Variants in UQCC1 observed in about 807,000 individuals in gnomAD.
UQCC1 encodes ubiquinol-cytochrome c reductase complex assembly factor 1.
A neutral mutation model predicts 48.0 loss-of-function variants in UQCC1; 38 were observed. That is an observed-to-expected ratio of 0.79 (90% confidence interval 0.61 to 1.04). UQCC1 has a LOEUF of 1.04. UQCC1 is among the 50% of genes least tolerant of loss of function. The probability of loss-of-function intolerance (pLI) is 0.00; values close to 1 mark genes in which losing one functional copy is unlikely to be tolerated. For synonymous variants in UQCC1, 111 were observed against 129.2 expected, an observed-to-expected ratio of 0.86 and a Z score of 0.95; for missense variants, 368 against 381.8, an observed-to-expected ratio of 0.96 and a Z score of 0.30.
chr20:35,411,380 C>T (rs2062361644), intron 1 of UQCC1, among the ~76,000 whole-genome samples: 2 of 152,244 alleles, frequency 1.3e-5, no homozygotes, highest in Middle Eastern at 3.4e-3. Context: ...AAAGTGAAAA[C>T]GACGGAGACA....
chr20:35,306,481 C>T, intron 9 of UQCC1, 185 bp downstream of exon 9: 1 of 579,000 alleles, frequency 1.7e-6, no homozygotes, highest in South Asian at 2.0e-5. Flanking sequence ...ATTTCCCGCT[C>T]CCTGGCCCAG....
chr20:35,362,150 A>C (rs1255064214), intron 6 of UQCC1, among the ~76,000 whole-genome samples: 3 of 152,206 alleles, frequency 2.0e-5, no homozygotes, highest in Non-Finnish European at 4.4e-5. Context: ...GAAAAACAGG[A>C]ATTTGTCAAG....
intron 8 of UQCC1, among the ~76,000 whole-genome samples, chr20:35,312,895 G>A (rs1364606083): frequency 6.6e-6 from 1 of 152,142 alleles, no homozygotes. Context: ...GTTGCTAGGG[G>A]ATATGAGGGA....
intron 3 of UQCC1, among the ~76,000 whole-genome samples, chr20:35,383,230 G>T (rs964178720): frequency 2.0e-5 from 3 of 152,158 alleles, no homozygotes; most frequent in African/African-American, 7.2e-5. Context: ...TCCAAGGAAA[G>T]TCTGTTCTAA....
intron 1 of UQCC1, among the ~76,000 whole-genome samples, chr20:35,410,704 C>CAAAAAAAAAAAAAAAAAAAAAA (rs1183843739): frequency 0.015 from 41 of 2,708 alleles, 14 homozygotes; most frequent in East Asian, 0.071. Context: ...GACTCTGCCT[C>CAAAAAAAAAAAAAAAAAAAAAA]AAAAAAAAAA....
At chr20:35,365,191 A>G (rs908801877) in intron 6 of UQCC1, among the ~76,000 whole-genome samples, 18 of 152,196 alleles carry the variant, frequency 1.2e-4, no homozygotes, top group Admixed American at 5.9e-4. Context: ...TTGTGATCCT[A>G]TAAGTACTTC....
At chr20:35,355,729 C>T (rs1431230425) in intron 6 of UQCC1, among the ~76,000 whole-genome samples, 10 of 152,246 alleles carry the variant, frequency 6.6e-5, no homozygotes, top group South Asian at 6.2e-4. Flanking sequence ...CCTGCCAACC[C>T]GTTCCTCTCC....
chr20:35,303,775 C>T lies in UQCC1; in HGVS notation c.*160G>A. 6.0e-6 allele frequency: 6 copies of T among 1,000,902 alleles called. No individual in the cohort carries two copies. In the South Asian group the frequency reaches 8.9e-5, roughly 15 times the overall value. The allele number at this position is 1,000,902 out of a possible 1,614,324, so 62.0% of individuals were successfully genotyped here. ...TACCCCAGCAGATCAGACTCCTGGG[C>T]ACACTAAGAGGAAACTCAACACAAA... is the stretch of plus-strand genomic sequence containing the variant. On this transcript the variant is annotated 3_prime_UTR_variant, in exon 10 of 10. Coordinates refer to ENST00000374385, the MANE Select transcript of UQCC1 (RefSeq NM_018244.5).
At chr20:35,322,850 G>A (rs1157757566) in intron 7 of UQCC1, among the ~76,000 whole-genome samples, 1 of 151,998 alleles carries the variant, frequency 6.6e-6, no homozygotes, top group Non-Finnish European at 1.5e-5. Context: ...TAAATCTACT[G>A]TCTTTTCTTT....
At chr20:35,352,523 A>G (rs1161390597) in intron 6 of UQCC1, among the ~76,000 whole-genome samples, 3 of 152,198 alleles carry the variant, frequency 2.0e-5, no homozygotes, top group African/African-American at 4.8e-5. Context: ...AATTTGGTGA[A>G]TATAGTCATG....
intron 8 of UQCC1, among the ~76,000 whole-genome samples, chr20:35,308,855 C>T (rs181451475): frequency 2.0e-5 from 3 of 152,162 alleles, no homozygotes; most frequent in African/African-American, 4.8e-5. Context: ...GCTGGGACTA[C>T]GGGCATGTGC....
intron 7 of UQCC1, among the ~76,000 whole-genome samples, chr20:35,336,476 CT>C (rs1162517512): frequency 6.6e-6 from 1 of 152,140 alleles, no homozygotes; most frequent in African/African-American, 2.4e-5. Context: ...GGAACTTAGG[CT>C]CAGATAGAAG....
intron 7 of UQCC1, among the ~76,000 whole-genome samples, chr20:35,333,021 G>A (rs1460329676): frequency 6.6e-6 from 1 of 151,714 alleles, no homozygotes; most frequent in Non-Finnish European, 1.5e-5. Flanking sequence ...TAGTCCATTA[G>A]TTCACTCATA....
intron 6 of UQCC1, among the ~76,000 whole-genome samples, chr20:35,359,408 G>C (rs899774077): frequency 6.6e-6 from 1 of 152,164 alleles, no homozygotes; most frequent in African/African-American, 2.4e-5. Context: ...AAATCGGAAG[G>C]CAACAACACT....
intron 6 of UQCC1, among the ~76,000 whole-genome samples, chr20:35,350,343 A>T (rs1426266035): frequency 6.6e-6 from 1 of 152,120 alleles, no homozygotes; most frequent in Non-Finnish European, 1.5e-5. Flanking sequence ...AAAAGTAGAG[A>T]ATTTGTCTGT....
intron 6 of UQCC1, among the ~76,000 whole-genome samples, chr20:35,354,698 G>A (rs943023133): frequency 6.6e-6 from 1 of 152,044 alleles, no homozygotes; most frequent in Non-Finnish European, 1.5e-5. Context: ...CCCAGCCAAA[G>A]GAGGGCAAAT....
Position 35,306,513 on chromosome 20 carries a change from G to A in UQCC1, c.765+153C>T, listed in dbSNP as rs563242813. ...CCAGTTCATGGTTGGACATACAGAA[G>A]GCGCTCCTTCTTCAGCGTCTAGTGC... On this transcript the variant is annotated intron_variant, in intron 9 of 9. Transcript: ENST00000374385. 1.1e-5 allele frequency: 7 copies of A among 614,608 alleles called. No homozygotes were observed. In the East Asian group the frequency reaches 2.0e-4, roughly 17 times the overall value. 38.1% of individuals were successfully genotyped at this position (614,608 alleles called of 1,614,324 possible).
intron 2 of UQCC1, among the ~76,000 whole-genome samples, chr20:35,385,854 T>A (rs1190716312): frequency 9.2e-5 from 14 of 151,690 alleles, no homozygotes; most frequent in Non-Finnish European, 1.8e-4. Flanking sequence ...CTTTTTTTTT[T>A]TTTTTTAACA....
chr20:35,407,000 G>A, intron 1 of UQCC1, among the ~76,000 whole-genome samples: 1 of 152,148 alleles, frequency 6.6e-6, no homozygotes, highest in Non-Finnish European at 1.5e-5. Flanking sequence ...CTTGTAACAT[G>A]TACACAAATT....
Sources: gnomAD v4.1 joint callset for allele counts (sites outside exome capture counted in the v4.1 genomes callset) on GRCh38, gnomAD v4.1.1 for gene constraint, MANE v1.5 for transcripts, NCBI Gene and HGNC (gene_info 2026-07-23, HGNC 2026-07-21) for gene names.